NSRP1: variants seen among roughly 807,000 people sequenced by gnomAD.
NSRP1 encodes the protein coiled-coil domain containing 55.
A neutral mutation model predicts 54.7 loss-of-function variants in NSRP1; 24 were observed. The observed-to-expected ratio is 0.44, with a 90% CI of 0.32 to 0.62. The LOEUF is 0.62. Among genes scored for constraint, NSRP1 ranks in the 20% least tolerant of loss-of-function variants. NSRP1 has a pLI of 0.06. For synonymous variants in NSRP1, 210 were observed against 213.8 expected (o/e 0.98, Z 0.15); for missense variants, 596 against 651.2 (o/e 0.92, Z 0.92).
At chr17:30,183,038 G>A (rs1905369846) in intron 6 of NSRP1, among the ~76,000 whole-genome samples, 1 of 152,058 alleles carries the variant, frequency 6.6e-6, no homozygotes, top group Admixed American at 6.5e-5. Context: ...TTTGGCTGGT[G>A]GTTGCCATAC....
rs1044026103 is a variant in NSRP1, at chr17:30,166,457, A to G, written c.115-6085A>G. On this transcript the variant is annotated intron_variant, in intron 2 of 6. Transcript: ENST00000247026. ...ACCTTCTTGAGTATCCTTTCTTTTT[A>G]TGAAAACCAGACTAAATTAAAAGTT... 2.0e-5 allele frequency among the ~76,000 whole-genome samples: 3 copies of G among 152,164 alleles called. No individual in the cohort carries two copies. The South Asian group carries it at 6.2e-4, about 32-fold the overall frequency.
At position 30,130,755 on chromosome 17, in the gene NSRP1, A is replaced by G. The variant is rs1000469545; in HGVS notation, c.114+12582A>G. Among the ~76,000 whole-genome samples the G allele has an allele frequency of 7.2e-5, 11 of 152,072 alleles. 1 individual carries two copies. Among genetic ancestry groups the G allele is most frequent in the Admixed American group, 3.9e-4 (6 of 15,260 alleles). ...ATGTGTCTTGCTGCAAATAATGTTG[A>G]ATTGTTTTTTCCAGGAATACACTGT... On this transcript the variant is annotated intron_variant, in intron 2 of 6. Transcript: ENST00000247026.
At chr17:30,117,753 A>C (rs1253111059) in intron 1 of NSRP1, among the ~76,000 whole-genome samples, 1 of 145,510 alleles carries the variant, frequency 6.9e-6, no homozygotes, top group African/African-American at 2.8e-5. Context: ...ACTTTCCACT[A>C]CACATGTTTT....
chr17:30,132,016 A>T (rs1368627863), intron 2 of NSRP1, among the ~76,000 whole-genome samples: 2 of 152,142 alleles, frequency 1.3e-5, no homozygotes, highest in Non-Finnish European at 2.9e-5. Flanking sequence ...TGGGAGGCCG[A>T]GGCGGGCGGA....
At chr17:30,127,976 A>G in intron 2 of NSRP1, 1 of 397,216 alleles carries the variant, frequency 2.5e-6, no homozygotes, top group South Asian at 1.3e-4. Context: ...CTGGGACCAC[A>G]GGCACACACC....
chr17:30,173,152 C>T (rs1295726261), intron 3 of NSRP1, among the ~76,000 whole-genome samples: 2 of 152,144 alleles, frequency 1.3e-5, no homozygotes, highest in East Asian at 1.9e-4. Context: ...TTAGTAGAGA[C>T]GGGGTTTCAC....
At chr17:30,184,571 A>G in intron 6 of NSRP1, 44 bp from the exon 7 acceptor site, 1 of 1,517,008 alleles carries the variant, frequency 6.6e-7, no homozygotes, top group Non-Finnish European at 8.8e-7. Flanking sequence ...TACAACTGAT[A>G]ATGTGGCATT....
At chr17:30,127,544 G>A (rs929352526) in intron 2 of NSRP1, among the ~76,000 whole-genome samples, 1 of 152,052 alleles carries the variant, frequency 6.6e-6, no homozygotes. Flanking sequence ...CACTCCAGTA[G>A]CTGGCACCAC....
chr17:30,164,008 A>G (rs1904637869), intron 2 of NSRP1, among the ~76,000 whole-genome samples: 1 of 151,296 alleles, frequency 6.6e-6, no homozygotes, highest in Non-Finnish European at 1.5e-5. Context: ...TTTACCCCTT[A>G]TAATGTGTAT....
At chr17:30,151,060 A>C (rs914371988) in intron 2 of NSRP1, among the ~76,000 whole-genome samples, 1 of 152,052 alleles carries the variant, frequency 6.6e-6, no homozygotes, top group Non-Finnish European at 1.5e-5. Flanking sequence ...TGGTATTTCA[A>C]TGTGGTTTTG....
intron 2 of NSRP1, chr17:30,128,343 A>G (rs1288456140): frequency 2.6e-5 from 4 of 152,000 alleles, no homozygotes; most frequent in Admixed American, 6.6e-5. Flanking sequence ...TATCTAATGA[A>G]CATTAAAAAT....
intron 2 of NSRP1, among the ~76,000 whole-genome samples, chr17:30,159,030 G>A (rs754122566): frequency 1.3e-5 from 2 of 152,144 alleles, no homozygotes; most frequent in Non-Finnish European, 1.5e-5. Context: ...AGATTGCGTT[G>A]AATCTGTAGA....
chr17:30,128,919 GT>G (rs80161788), intron 2 of NSRP1, among the ~76,000 whole-genome samples: 128 of 138,740 alleles, frequency 9.2e-4, no homozygotes, highest in African/African-American at 8.1e-4. Flanking sequence ...TGGTTTTTTT[GT>G]TTTTTTTTTT....
At chr17:30,171,988 T>A (rs1183708674) in intron 2 of NSRP1, among the ~76,000 whole-genome samples, 3 of 113,482 alleles carry the variant, frequency 2.6e-5, no homozygotes, top group African/African-American at 7.8e-5. Flanking sequence ...TCTCTCTCTC[T>A]CTCTCTCTCT....
At chr17:30,118,396 C>T (rs565728187) in intron 2 of NSRP1, among the ~76,000 whole-genome samples, 2 of 152,250 alleles carry the variant, frequency 1.3e-5, no homozygotes, top group South Asian at 2.1e-4. Flanking sequence ...AATACACGGT[C>T]TTTTCAGACT....
At chr17:30,132,454 T>A (rs1280116158) in intron 2 of NSRP1, among the ~76,000 whole-genome samples, 1 of 151,498 alleles carries the variant, frequency 6.6e-6, no homozygotes, top group African/African-American at 2.4e-5. Flanking sequence ...CTCAGAAGAC[T>A]GAGGCAGGAG....
At chr17:30,140,632 G>A (rs1597601830) in intron 2 of NSRP1, among the ~76,000 whole-genome samples, 1 of 146,320 alleles carries the variant, frequency 6.8e-6, no homozygotes, top group Non-Finnish European at 1.5e-5. Flanking sequence ...AGGCTCAAGC[G>A]ATTCTCCTGC....
chr17:30,176,114 TTTGTTTTG>T (rs1246219829), intron 3 of NSRP1, among the ~76,000 whole-genome samples: 1 of 151,696 alleles, frequency 6.6e-6, no homozygotes, highest in African/African-American at 2.4e-5. Context: ...GTTGTTTTGT[TTTGTTTTG>T]TTTTGTTTTG....
At chr17:30,125,586 C>T (rs1389581080) in intron 2 of NSRP1, among the ~76,000 whole-genome samples, 3 of 152,210 alleles carry the variant, frequency 2.0e-5, no homozygotes, top group Admixed American at 6.5e-5. Context: ...CTAGCTCTGT[C>T]ATCCAGGCTG....
Sources: gnomAD v4.1 joint callset for allele counts (sites outside exome capture counted in the v4.1 genomes callset) on GRCh38, gnomAD v4.1.1 for gene constraint, MANE v1.5 for transcripts, NCBI Gene and HGNC (gene_info 2026-07-23, HGNC 2026-07-21) for gene names.